TLE3: variants seen among roughly 807,000 people sequenced by gnomAD.
The protein encoded by TLE3 is TLE family member 3, transcriptional corepressor.
TLE3 carries 14 observed loss-of-function variants against 93.0 expected under a neutral mutation model. The ratio of observed to expected loss-of-function variants is 0.15; its 90% CI spans 0.10 to 0.24. The LOEUF (loss-of-function observed/expected upper bound fraction) is 0.24. Ranked by LOEUF, TLE3 falls within the 10% of genes least tolerant of loss-of-function variation. TLE3 has a pLI of 1.00. For missense variants in TLE3, 693 were observed against 1,046.6 expected, an observed-to-expected ratio of 0.66 and a Z score of 4.66; for synonymous variants, 451 against 425.0, an observed-to-expected ratio of 1.06 and a Z score of -0.75.
chr15:70,049,781 CA>C lies in TLE3; in HGVS notation c.*315del, dbSNP rs1453519335. On this transcript the variant is annotated 3_prime_UTR_variant, in exon 20 of 20. Transcript: ENST00000451782. ...GGGCAAAAGAAAAGGGAAGAACAAA[CA>C]GAGACTCATGAGCGGGTCTGTGGGG... 1 of 259,888 alleles carries C rather than the reference CA, an allele frequency of 3.8e-6. No homozygotes were observed. The highest frequency in any genetic ancestry group is 2.2e-5 in the African/African-American group (1 of 46,316). The allele number at this position is 259,888 out of a possible 1,614,324, so 16.1% of individuals were successfully genotyped here. A position where few individuals can be genotyped will look rare whatever the true frequency, so the allele number is the denominator to read the frequency against.
At chr15:70,053,494 G>C (rs376330536) in intron 16 of TLE3, 120 bp from the exon 17 acceptor site, 11 of 1,182,316 alleles carry the variant, frequency 9.3e-6, no homozygotes, top group East Asian at 2.7e-5. Flanking sequence ...TGCACTATGC[G>C]CATGGTCCCT....
At chr15:70,065,970 C>G in intron 7 of TLE3, 44 bp downstream of exon 7, 555 of 1,075,892 alleles carry the variant, frequency 5.2e-4, no homozygotes, top group Middle Eastern at 8.2e-4. Context: ...AGCGCCCATG[C>G]CCACCCCTGC....
intron 18 of TLE3, among the ~76,000 whole-genome samples, chr15:70,051,890 G>C (rs550288002): frequency 7.9e-5 from 12 of 152,280 alleles, no homozygotes; most frequent in African/African-American, 2.6e-4. Context: ...ACTCGGCCAG[G>C]GCTCTACAAG....
Position 70,049,944 on chromosome 15 carries a change from C to A in TLE3, c.*153G>T, listed in dbSNP as rs2055370728. 1 of 623,622 alleles carries A rather than the reference C, an allele frequency of 1.6e-6. No homozygotes were observed. Among genetic ancestry groups the A allele is most frequent in the Non-Finnish European group, 2.9e-6 (1 of 348,650 alleles). 38.6% of individuals were successfully genotyped at this position (623,622 alleles called of 1,614,324 possible). A position where few individuals can be genotyped will look rare whatever the true frequency, so the allele number is the denominator to read the frequency against. On this transcript the variant is annotated 3_prime_UTR_variant, in exon 20 of 20. Transcript: ENST00000451782. The stretch of plus-strand genomic sequence containing the variant: ...CCCAGGAGTCCAGACTGTGACGGGG[C>A]ACGTGCCCTCTCAGCCGGCCGGAGC...
intron 6 of TLE3, among the ~76,000 whole-genome samples, chr15:70,068,599 AGAG>A (rs2056961552): frequency 6.6e-6 from 1 of 152,248 alleles, no homozygotes; most frequent in South Asian, 2.1e-4. Context: ...GAGACAAAGA[AGAG>A]GAGGGGAAAG....
At chr15:70,082,809 C>G (rs951796622) in intron 4 of TLE3, among the ~76,000 whole-genome samples, 1 of 152,154 alleles carries the variant, frequency 6.6e-6, no homozygotes, top group African/African-American at 2.4e-5. Context: ...CAGTGAGGAG[C>G]CAGGGCAGGG....
At chr15:70,053,197 T>C (rs1376474539) in intron 17 of TLE3, 30 bp downstream of exon 17, 1 of 1,598,576 alleles carries the variant, frequency 6.3e-7, no homozygotes. Context: ...ACACTGCTCT[T>C]TGGGAAGGGA....
intron 5 of TLE3, among the ~76,000 whole-genome samples, chr15:70,075,036 T>A (rs1485121043): frequency 6.6e-6 from 1 of 152,228 alleles, no homozygotes; most frequent in African/African-American, 2.4e-5. Context: ...TAGTGGTGAA[T>A]TGTCAGGATA....
chr15:70,056,120 C>T (rs2055997472), intron 14 of TLE3, 178 bp downstream of exon 14: 1 of 701,298 alleles, frequency 1.4e-6, no homozygotes, highest in Non-Finnish European at 2.5e-6. Context: ...GGCTTGGCTA[C>T]AGTTTCCTGG....
intron 4 of TLE3, chr15:70,079,449 C>G (rs779410083): frequency 3.4e-5 from 15 of 444,528 alleles, no homozygotes; most frequent in South Asian, 2.3e-4. Context: ...GTAAACCCAG[C>G]CCCTCCCCTG....
chr15:70,078,746 C>T (rs1407217728), intron 4 of TLE3, among the ~76,000 whole-genome samples: 1 of 152,226 alleles, frequency 6.6e-6, no homozygotes, highest in Non-Finnish European at 1.5e-5. Flanking sequence ...GGGTCCCTGG[C>T]CACTACTCCT....
In TLE3 at chr15:70,059,309, G is replaced by A. The variant is rs2091524716; in HGVS notation, c.765+101C>T. 4 of 1,383,260 alleles carry A rather than the reference G, an allele frequency of 2.9e-6. No homozygotes were observed. The East Asian group carries it at 7.6e-5, about 26-fold the overall frequency. 85.7% of individuals were successfully genotyped at this position (1,383,260 alleles called of 1,614,324 possible). On this transcript the variant is annotated intron_variant, in intron 10 of 19. Transcript: ENST00000451782. ...GAGGCCTTGTCTCCCTGCTCAGGCT[G>A]CCAGTAATACTAGAACAGACAGAAT...
rs375309669 is a variant in TLE3, at chr15:70,060,557, C to T, written c.687G>A (p.Ala229=). The T allele has an allele frequency of 2.9e-5, 47 of 1,613,998 alleles. 1 individual carries two copies. In the East Asian group the frequency reaches 4.0e-4, roughly 14 times the overall value. The change falls in exon 9 of 20, where the codon GCG becomes GCA. Residue 229 remains alanine, a synonymous_variant. Transcript: ENST00000451782. ...ATCGGCTCAAGCTGTCCTTCTCCTC[C>T]GCCTTCCGCTTCTTGGCTTCCATGC... The part of the protein sequence containing the change: ...DYSMEAKKRK[A]EEKDSLSRYD...
At chr15:70,086,775 GC>G (rs2058055544) in intron 4 of TLE3, among the ~76,000 whole-genome samples, 1 of 152,182 alleles carries the variant, frequency 6.6e-6, no homozygotes, top group South Asian at 2.1e-4. Context: ...GGCATGGCAA[GC>G]CGAGTTTACC....
chr15:70,053,069 C>T (rs988669892), intron 17 of TLE3, 158 bp downstream of exon 17: 9 of 897,098 alleles, frequency 1.0e-5, no homozygotes, highest in Non-Finnish European at 1.3e-5. Flanking sequence ...TTCACTGCTG[C>T]TTCCTCCAGG....
At position 70,067,604 on chromosome 15, in the gene TLE3, C is replaced by T. The variant is rs149699244; in HGVS notation, c.373-1386G>A. 9.1e-3 allele frequency among the ~76,000 whole-genome samples: 1,385 copies of T among 152,228 alleles called. 22 individuals are homozygous for T. The highest frequency in any genetic ancestry group is 0.032 in the African/African-American group (1,320 of 41,522). On this transcript the variant is annotated intron_variant, in intron 6 of 19. Coordinates refer to ENST00000451782, the MANE Select transcript of TLE3 (RefSeq NM_001105192.3). The stretch of plus-strand genomic sequence containing the variant: ...GATCTCACACCTTACTAAGGGAGCT[C>T]GCCTGTCAATATGAGATGGTTTTCT...
chr15:70,080,904 A>G (rs1449661219), intron 4 of TLE3, among the ~76,000 whole-genome samples: 1 of 152,120 alleles, frequency 6.6e-6, no homozygotes, highest in Non-Finnish European at 1.5e-5. Context: ...CTTATTTTTA[A>G]TTTAGGTGAC....
At chr15:70,065,422 G>A (rs2056752969) in intron 7 of TLE3, among the ~76,000 whole-genome samples, 1 of 152,204 alleles carries the variant, frequency 6.6e-6, no homozygotes, top group African/African-American at 2.4e-5. Context: ...ATCTCTTGCT[G>A]GGGTGTGCAC....
intron 4 of TLE3, among the ~76,000 whole-genome samples, chr15:70,088,697 A>C (rs1430459684): frequency 6.6e-6 from 1 of 152,190 alleles, no homozygotes; most frequent in Admixed American, 6.5e-5. Flanking sequence ...CATTAATAGC[A>C]AAGTGGAGAG....
Sources: gnomAD v4.1 joint callset for allele counts (sites outside exome capture counted in the v4.1 genomes callset) on GRCh38, gnomAD v4.1.1 for gene constraint, MANE v1.5 for transcripts, NCBI Gene and HGNC (gene_info 2026-07-23, HGNC 2026-07-21) for gene names.